PPIL2: variants seen among roughly 807,000 people sequenced by gnomAD.
PPIL2 encodes the protein RING-type E3 ubiquitin-protein ligase PPIL2.
Under a neutral mutation model 75.2 loss-of-function variants are expected in PPIL2, and 50 were observed. The ratio of observed to expected loss-of-function variants is 0.66; its 90% confidence interval spans 0.53 to 0.84. PPIL2 has a LOEUF of 0.84. Ranked by LOEUF, PPIL2 falls within the 40% of genes least tolerant of loss-of-function variation. PPIL2 has a pLI of 0.00. For synonymous variants in PPIL2, 245 were observed against 258.8 expected, an observed-to-expected ratio of 0.95 and a Z score of 0.51; for missense variants, 590 against 685.0, an observed-to-expected ratio of 0.86 and a Z score of 1.55.
At chr22:21,693,908 G>C (rs749315924) in intron 16 of PPIL2, 36 bp downstream of exon 16, 1 of 1,521,800 alleles carries the variant, frequency 6.6e-7, no homozygotes, top group Non-Finnish European at 9.1e-7. Flanking sequence ...TGGGGGGTCA[G>C]TGGGCTAGGT....
chr22:21,696,413 A>C lies in PPIL2; in HGVS notation c.*923A>C. 1 of 1,171,426 alleles carries C rather than the reference A, an allele frequency of 8.5e-7. No homozygotes were observed. Among genetic ancestry groups the C allele is most frequent in the Non-Finnish European group, 1.1e-6 (1 of 938,372 alleles). 72.6% of individuals were successfully genotyped at this position (1,171,426 alleles called of 1,614,324 possible). ...CTGCTGAAGTGGCCTTGCTGCTCTC[A>C]GGCCCGGCCACTGGGCTCCAAGACT... On this transcript the variant is annotated 3_prime_UTR_variant, in exon 20 of 20. Coordinates refer to ENST00000398831, the MANE Select transcript of PPIL2 (RefSeq NM_014337.4).
intron 6 of PPIL2, among the ~76,000 whole-genome samples, chr22:21,677,173 CG>C (rs1006681037): frequency 1.8e-4 from 27 of 149,244 alleles, no homozygotes; most frequent in African/African-American, 6.7e-4. Flanking sequence ...ACTTCTCAGA[CG>C]GGGCGGCCAG....
intron 10 of PPIL2, chr22:21,685,567 G>A (rs2067321523): frequency 1.2e-5 from 5 of 402,486 alleles, no homozygotes; most frequent in South Asian, 8.9e-5. Context: ...TTGTTGTCCA[G>A]TGTGTCACTC....
rs926437055 is a variant in PPIL2, at chr22:21,669,290, G to C, written c.33-623G>C. 5 of 411,472 alleles carry C rather than the reference G, an allele frequency of 1.2e-5. No homozygotes were observed. The East Asian group carries it at 3.7e-4, about 30-fold the overall frequency. 25.5% of individuals were successfully genotyped at this position (411,472 alleles called of 1,614,324 possible). The stretch of plus-strand genomic sequence containing the variant: ...AGTCTTTGGAGTAGCTGGGACCACA[G>C]GTGTGAGCTGTCACACCTGGCTAAG... On this transcript the variant is annotated intron_variant, in intron 1 of 19. Transcript: ENST00000398831.
chr22:21,685,952 T>G (rs1010586022), intron 10 of PPIL2, among the ~76,000 whole-genome samples: 5 of 151,854 alleles, frequency 3.3e-5, no homozygotes, highest in Non-Finnish European at 5.9e-5. Flanking sequence ...GGAGGATTGC[T>G]TGAGGCCAGG....
rs577079235 is a variant in PPIL2 at position 21,685,635 on chromosome 22, C to G, written c.714+722C>G. 6.6e-5 allele frequency: 30 copies of G among 451,292 alleles called. 1 individual carries two copies. Among genetic ancestry groups the G allele is most frequent in the Middle Eastern group, 5.5e-4 (1 of 1,826 alleles). 28.0% of individuals were successfully genotyped at this position (451,292 alleles called of 1,614,324 possible). On this transcript the variant is annotated intron_variant, in intron 10 of 19. Transcript: ENST00000398831. ...ATTACTTTTTTTTTTCTTTTGGAAA[C>G]AGGATCTTGCTATGTTGTCTAAGCT...
In PPIL2 at chr22:21,667,152, A is replaced by ATTT. The variant is rs747410460; in HGVS notation, c.32+1040_32+1042dup. 7.8e-3 allele frequency among the ~76,000 whole-genome samples: 826 copies of ATTT among 106,522 alleles called. 36 individuals are homozygous for ATTT. Among genetic ancestry groups the ATTT allele is most frequent in the African/African-American group, 0.012 (322 of 26,592 alleles). 69.9% of individuals were successfully genotyped at this position (106,522 alleles called of 152,430 possible). ...ATATAGTATTCAATCCTCAGTCCTC[A>ATTT]TTTTTTTTTTTTTTTTTTTTTGAGA... On this transcript the variant is annotated intron_variant, in intron 1 of 19. Transcript: ENST00000398831.
intron 4 of PPIL2, among the ~76,000 whole-genome samples, chr22:21,672,085 T>G (rs550383721): frequency 5.6e-4 from 85 of 152,266 alleles, no homozygotes; most frequent in Non-Finnish European, 4.0e-4. Context: ...ACTTACTCAT[T>G]TTCACCTGTA....
chr22:21,667,152 ATT>A lies in PPIL2; in HGVS notation c.32+1041_32+1042del, dbSNP rs747410460. On this transcript the variant is annotated intron_variant, in intron 1 of 19. Transcript: ENST00000398831. ...ATATAGTATTCAATCCTCAGTCCTC[ATT>A]TTTTTTTTTTTTTTTTTTTGAGACG... Among the ~76,000 whole-genome samples, 117 of 106,558 alleles carry A rather than the reference ATT, an allele frequency of 1.1e-3. 1 individual carries two copies. The highest frequency in any genetic ancestry group is 0.011 in the Middle Eastern group (2 of 176). The allele number at this position is 106,558 out of a possible 152,430, so 69.9% of individuals were successfully genotyped here.
chr22:21,683,597 T>A (rs2067221649), intron 9 of PPIL2, among the ~76,000 whole-genome samples: 1 of 152,268 alleles, frequency 6.6e-6, no homozygotes, highest in Non-Finnish European at 1.5e-5. Context: ...GCAGGACTCA[T>A]GTTCAGAGGT....
Position 21,695,041 on chromosome 22 carries a change from C to A in PPIL2, c.1437C>A (p.Gly479=). 6.2e-7 allele frequency: 1 copy of A among 1,611,064 alleles called. No homozygotes were observed. Among genetic ancestry groups the A allele is most frequent in the African/African-American group, 1.3e-5 (1 of 75,052 alleles). ...GSQGPQTFRQ[G]VGKYINPAAT... ...AGGGCCCCCAGACCTTCCGCCAGGGCGTGGGCAAGTACATCAACCCAGCAG... is the reference window on the plus strand; with the variant it reads ...AGGGCCCCCAGACCTTCCGCCAGGGAGTGGGCAAGTACATCAACCCAGCAG... Residue 479 remains glycine (G), a synonymous_variant, in exon 19 of 20, where the codon GGC becomes GGA. Transcript: ENST00000398831.
At chr22:21,666,283 C>A in intron 1 of PPIL2, 152 bp downstream of exon 1, 2 of 955,864 alleles carry the variant, frequency 2.1e-6, no homozygotes, top group Non-Finnish European at 3.0e-6. Flanking sequence ...TGTCTCCAGT[C>A]AGGGTAATGA....
intron 6 of PPIL2, 50 bp downstream of exon 6, chr22:21,675,165 G>T: frequency 6.7e-7 from 1 of 1,493,114 alleles, no homozygotes; most frequent in African/African-American, 1.4e-5. Flanking sequence ...CAGACCCAAG[G>T]GCCCAGCTCT....
chr22:21,671,078 T>G lies in PPIL2; in HGVS notation c.191+19T>G. Reference sequence around the variant, plus strand: ...ACTTACTGTGAGTTTTTCCTTGAATTTTGATCTAACAAATGTGAGATTCTC... The same window carrying G: ...ACTTACTGTGAGTTTTTCCTTGAATGTTGATCTAACAAATGTGAGATTCTC... On this transcript the variant is annotated intron_variant, in intron 4 of 19. Transcript: ENST00000398831. 1.3e-6 allele frequency: 2 copies of G among 1,595,934 alleles called. No individual in the cohort carries two copies. Among genetic ancestry groups the G allele is most frequent in the Non-Finnish European group, 1.7e-6 (2 of 1,163,424 alleles).
intron 14 of PPIL2, among the ~76,000 whole-genome samples, 184 bp from the exon 15 acceptor site, chr22:21,688,548 T>C (rs535585050): frequency 1.3e-4 from 20 of 152,270 alleles, no homozygotes; most frequent in Admixed American, 5.9e-4. Flanking sequence ...CCTGCCTGTT[T>C]GGAGGCGTGG....
In PPIL2 at chr22:21,684,763, G is replaced by A; in HGVS notation, c.564G>A (p.Lys188=). Residue 188 remains lysine (K), a synonymous_variant, in exon 10 of 20, where the codon AAG becomes AAA. Transcript: ENST00000398831. ...GCTACTGTTTTGTAGATGAAGAGAA[G>A]GCCAAACAGGACCCGTCTTATTATC... ...NMKIIDPDEE[K]AKQDPSYYLK... The A allele has an allele frequency of 1.2e-6, 2 of 1,614,008 alleles. No homozygotes were observed. The highest frequency in any genetic ancestry group is 1.7e-6 in the Non-Finnish European group (2 of 1,180,008).
At chr22:21,695,132 TGA>T in intron 19 of PPIL2, 62 bp downstream of exon 19, 2 of 1,501,478 alleles carry the variant, frequency 1.3e-6, no homozygotes, top group South Asian at 2.6e-5. Context: ...GACTGAGGTC[TGA>T]GGGTCAGACC....
chr22:21,670,953 C>G, intron 3 of PPIL2, 44 bp from the exon 4 acceptor site: 1 of 1,539,458 alleles, frequency 6.5e-7, no homozygotes, highest in Non-Finnish European at 9.0e-7. Flanking sequence ...CACATCCTGA[C>G]CAGGGTGCGT....
rs926486918 is a variant in PPIL2 at position 21,686,928 on chromosome 22, T to C, written c.827T>C (p.Val276Ala). The C allele has an allele frequency of 6.2e-7, 1 of 1,614,056 alleles. No individual in the cohort carries two copies. The highest frequency in any genetic ancestry group is 1.3e-5 in the African/African-American group (1 of 75,018). ...GAGGATGTGCTGCGCTACCAGTTTG[T>C]GAAGAAGAAGGGCTACGTGCGGCTG... is the stretch of plus-strand genomic sequence containing the variant. ...IDEDVLRYQF[V>A]KKKGYVRLHT... is the part of the protein sequence containing the mutation. The change falls in exon 12 of 20, where the codon GTG becomes GCG. Residue 276 changes from valine (V) to alanine (A), a missense_variant. Physicochemically the swap from Val to Ala is moderately conservative, Grantham distance 64 (BLOSUM62 0). Coordinates refer to ENST00000398831, the MANE Select transcript of PPIL2 (RefSeq NM_014337.4).
Sources: allele counts gnomAD v4.1 joint callset (sites outside exome capture counted in the v4.1 genomes callset), GRCh38; gene constraint gnomAD v4.1.1; transcripts MANE v1.5; gene names NCBI Gene and HGNC (gene_info 2026-07-23, HGNC 2026-07-21).